Variants in CNTNAP2 observed in about 807,000 individuals in gnomAD.
The protein encoded by CNTNAP2 is contactin associated protein 2, also known as contactin-associated protein-like 2.
Under a neutral mutation model 155.2 loss-of-function variants are expected in CNTNAP2, and 98 were observed. That is an observed-to-expected ratio of 0.63 (90% CI 0.54 to 0.75). CNTNAP2 has a LOEUF of 0.75. Ranked by LOEUF, CNTNAP2 falls within the 30% of genes least tolerant of loss-of-function variation. CNTNAP2 has a pLI of 0.00. For synonymous variants in CNTNAP2, 651 were observed against 631.2 expected (o/e 1.03, Z -0.47); for missense variants, 1,727 against 1,688.1 (o/e 1.02, Z -0.40).
intron 13 of CNTNAP2, among the ~76,000 whole-genome samples, chr7:147,767,903 T>C (rs1008111183): frequency 5.0e-4 from 76 of 152,238 alleles, no homozygotes; most frequent in African/African-American, 1.8e-3. Context: ...TTATGTTTTT[T>C]CTATGGGAGC....
intron 1 of CNTNAP2, among the ~76,000 whole-genome samples, chr7:146,328,210 G>A (rs779431808): frequency 1.3e-5 from 2 of 152,080 alleles, no homozygotes; most frequent in African/African-American, 4.8e-5. Context: ...TCTAGGTTGC[G>A]CACTCCTTAT....
intron 14 of CNTNAP2, among the ~76,000 whole-genome samples, chr7:147,967,281 A>G (rs1266583986): frequency 1.3e-5 from 2 of 152,234 alleles, no homozygotes; most frequent in Non-Finnish European, 2.9e-5. Context: ...GGATTTTTAT[A>G]TCATTTAAAG....
chr7:148,331,583 G>GGACGGATGGAGTC (rs1798014573), intron 21 of CNTNAP2, among the ~76,000 whole-genome samples: 3 of 151,312 alleles, frequency 2.0e-5, no homozygotes, highest in Admixed American at 6.6e-5. Context: ...TGGATGGAAT[G>GGACGGATGGAGTC]GATGGATGGA....
Position 148,024,785 on chromosome 7 carries a change from C to T in CNTNAP2, c.2383+46796C>T, listed in dbSNP as rs183546262. 5.3e-3 allele frequency among the ~76,000 whole-genome samples: 801 copies of T among 152,256 alleles called. 3 individuals carry two copies. The highest frequency in any genetic ancestry group is 7.7e-3 in the Non-Finnish European group (526 of 68,016). ...TCATATCCATCAAAGTACAGGAAGTCCTTCACAGGCAGCCATCTTTTTCTC... is the reference window on the plus strand; with the variant it reads ...TCATATCCATCAAAGTACAGGAAGTTCTTCACAGGCAGCCATCTTTTTCTC... On this transcript the variant is annotated intron_variant, in intron 15 of 23. Transcript: ENST00000361727.
intron 14 of CNTNAP2, among the ~76,000 whole-genome samples, chr7:147,972,285 C>G (rs992190384): frequency 6.6e-6 from 1 of 152,092 alleles, no homozygotes; most frequent in Non-Finnish European, 1.5e-5. Context: ...CTAAATAATC[C>G]TGAAACTTCA....
intron 1 of CNTNAP2, among the ~76,000 whole-genome samples, chr7:146,443,218 T>C (rs922258261): frequency 6.7e-5 from 9 of 134,824 alleles, no homozygotes; most frequent in Non-Finnish European, 1.2e-4. Flanking sequence ...CGTCTCTAAA[T>C]AAATAAATAA....
At chr7:146,668,054 C>G (rs1800229314) in intron 1 of CNTNAP2, among the ~76,000 whole-genome samples, 1 of 151,892 alleles carries the variant, frequency 6.6e-6, no homozygotes, top group African/African-American at 2.4e-5. Flanking sequence ...TTTTCCAGTT[C>G]TGAGAGGAAA....
chr7:146,735,366 C>T (rs777315696), intron 1 of CNTNAP2, among the ~76,000 whole-genome samples: 2 of 152,248 alleles, frequency 1.3e-5, no homozygotes, highest in South Asian at 4.1e-4. Flanking sequence ...TCCTGGCTAA[C>T]ACGGTGAAAC....
chr7:146,694,838 G>A (rs531781676), intron 1 of CNTNAP2, among the ~76,000 whole-genome samples: 270 of 152,140 alleles, frequency 1.8e-3, no homozygotes, highest in Middle Eastern at 6.8e-3. Context: ...CTAAGTGTTT[G>A]ATAATTTTTG....
At chr7:147,769,920 C>T (rs117760224) in intron 13 of CNTNAP2, among the ~76,000 whole-genome samples, 2,038 of 152,210 alleles carry the variant, frequency 0.013, 104 homozygotes, top group Admixed American at 0.09. Context: ...AGCTAGTACA[C>T]GTAAATCACT....
chr7:147,802,448 G>A (rs535623056), intron 13 of CNTNAP2, among the ~76,000 whole-genome samples: 225 of 152,222 alleles, frequency 1.5e-3, no homozygotes, highest in Non-Finnish European at 1.9e-3. Context: ...AAGTTGTAGC[G>A]AGCCGAGATC....
chr7:147,292,797 T>C (rs1805343243), intron 8 of CNTNAP2, among the ~76,000 whole-genome samples: 1 of 152,132 alleles, frequency 6.6e-6, no homozygotes, highest in Non-Finnish European at 1.5e-5. Context: ...GAGACAGGGT[T>C]TTGCTCTTAT....
At chr7:147,003,759 C>T (rs571953519) in intron 3 of CNTNAP2, among the ~76,000 whole-genome samples, 4 of 152,018 alleles carry the variant, frequency 2.6e-5, no homozygotes, top group South Asian at 2.1e-4. Flanking sequence ...TGCAGTGGCT[C>T]ATGTCTGTAA....
intron 10 of CNTNAP2, among the ~76,000 whole-genome samples, chr7:147,477,408 T>C (rs1221937832): frequency 1.3e-5 from 2 of 152,196 alleles, no homozygotes; most frequent in East Asian, 3.9e-4. Context: ...ATGTAACCCC[T>C]TTAATCCTTT....
rs1584803843 is a variant in CNTNAP2, at chr7:146,210,583, T to C, written c.97+93610T>C. The stretch of plus-strand genomic sequence containing the variant: ...CCTCCCGAAGTGCTGGAATTACAGG[T>C]GTGAGCCGTTGTGCCTGGCCTGAGT... On this transcript the variant is annotated intron_variant, in intron 1 of 23. Transcript: ENST00000361727. Among the ~76,000 whole-genome samples, 4 of 152,084 alleles carry C rather than the reference T, an allele frequency of 2.6e-5. No homozygotes were observed. The East Asian group carries it at 7.7e-4, about 29-fold the overall frequency.
intron 18 of CNTNAP2, among the ~76,000 whole-genome samples, chr7:148,216,997 A>G (rs770905221): frequency 6.6e-6 from 1 of 152,176 alleles, no homozygotes. Context: ...CTCCCCAGCC[A>G]TATGGAGCTG....
At chr7:146,862,633 A>T (rs924018447) in intron 3 of CNTNAP2, among the ~76,000 whole-genome samples, 4 of 152,216 alleles carry the variant, frequency 2.6e-5, no homozygotes, top group African/African-American at 4.8e-5. Flanking sequence ...TCTATCAAAG[A>T]TATCACAGAC....
At chr7:147,190,984 A>C (rs113104826) in intron 8 of CNTNAP2, among the ~76,000 whole-genome samples, 1 of 152,184 alleles carries the variant, frequency 6.6e-6, no homozygotes, top group African/African-American at 2.4e-5. Flanking sequence ...ATAAGAAAAA[A>C]GTCAGGACTC....
At chr7:146,602,547 T>C (rs1405133362) in intron 1 of CNTNAP2, among the ~76,000 whole-genome samples, 1 of 152,238 alleles carries the variant, frequency 6.6e-6, no homozygotes, top group Non-Finnish European at 1.5e-5. Context: ...ATTGTAGGCA[T>C]CTCTTATTTC....
Sources: allele counts gnomAD v4.1 joint callset (sites outside exome capture counted in the v4.1 genomes callset), GRCh38; gene constraint gnomAD v4.1.1; transcripts MANE v1.5; gene names NCBI Gene and HGNC (gene_info 2026-07-23, HGNC 2026-07-21).